Variants in KAZN observed in about 807,000 individuals in gnomAD.
The protein encoded by KAZN is kazrin.
KAZN carries 40 observed loss-of-function variants against 87.4 expected under a neutral mutation model. That is an observed-to-expected ratio of 0.46 (90% CI 0.36 to 0.60). The LOEUF (loss-of-function observed/expected upper bound fraction) is 0.60. KAZN is among the 20% of genes least tolerant of loss of function. The pLI is 0.00. For synonymous variants in KAZN, 466 were observed against 458.3 expected, an observed-to-expected ratio of 1.02 and a Z score of -0.22; for missense variants, 898 against 1,073.9, an observed-to-expected ratio of 0.84 and a Z score of 2.29.
At chr1:14,012,644 C>A (rs1640368678) in intron 1 of KAZN, among the ~76,000 whole-genome samples, 1 of 152,112 alleles carries the variant, frequency 6.6e-6, no homozygotes, top group Non-Finnish European at 1.5e-5. Flanking sequence ...ATCTCTACTA[C>A]AAATATAGAA....
At chr1:14,494,498 T>G (rs573536094) in intron 2 of KAZN, among the ~76,000 whole-genome samples, 1 of 152,304 alleles carries the variant, frequency 6.6e-6, no homozygotes, top group South Asian at 2.1e-4. Flanking sequence ...CCCCATGTAC[T>G]TCCTCTCACT....
At chr1:14,704,364 C>A (rs532314975) in intron 1 of KAZN, among the ~76,000 whole-genome samples, 22 of 152,328 alleles carry the variant, frequency 1.4e-4, no homozygotes, top group Admixed American at 7.8e-4. Flanking sequence ...CTGGAAGGGA[C>A]AAAATGAGCC....
At chr1:14,616,085 A>G (rs955034145) in intron 1 of KAZN, among the ~76,000 whole-genome samples, 4 of 152,168 alleles carry the variant, frequency 2.6e-5, no homozygotes, top group Non-Finnish European at 5.9e-5. Context: ...GGAATGACGC[A>G]ATGCCTATAC....
At chr1:15,034,180 A>T (rs1455669994) in intron 2 of KAZN, among the ~76,000 whole-genome samples, 1 of 152,182 alleles carries the variant, frequency 6.6e-6, no homozygotes, top group Non-Finnish European at 1.5e-5. Context: ...TTTCTTGATG[A>T]TATCCTTTGA....
intron 2 of KAZN, among the ~76,000 whole-genome samples, chr1:14,196,891 A>G (rs1158633902): frequency 6.6e-6 from 1 of 152,118 alleles, no homozygotes; most frequent in Non-Finnish European, 1.5e-5. Context: ...GTGAAAGTGA[A>G]GGAGGCTTCA....
At chr1:14,011,484 A>T (rs971601048) in intron 1 of KAZN, among the ~76,000 whole-genome samples, 2 of 152,180 alleles carry the variant, frequency 1.3e-5, no homozygotes, top group African/African-American at 4.8e-5. Flanking sequence ...CCTCCTGGAA[A>T]TCATTGGTCC....
chr1:14,639,526 C>T (rs1680264458), intron 1 of KAZN, among the ~76,000 whole-genome samples: 1 of 152,140 alleles, frequency 6.6e-6, no homozygotes, highest in African/African-American at 2.4e-5. Context: ...AGTATAAATG[C>T]CCTATGGAGT....
intron 1 of KAZN, among the ~76,000 whole-genome samples, chr1:14,899,822 G>T (rs1023876300): frequency 2.0e-5 from 3 of 152,130 alleles, no homozygotes; most frequent in African/African-American, 7.2e-5. Context: ...CTTAAGCACT[G>T]TCCTCATTTC....
chr1:14,699,433 C>T (rs4661297), intron 1 of KAZN, among the ~76,000 whole-genome samples: 4 of 152,170 alleles, frequency 2.6e-5, no homozygotes, highest in Non-Finnish European at 4.4e-5. Context: ...GCATTATGCC[C>T]GGCCTTAGGC....
At chr1:14,970,192 A>G (rs980669626) in intron 2 of KAZN, among the ~76,000 whole-genome samples, 1 of 152,220 alleles carries the variant, frequency 6.6e-6, no homozygotes, top group Non-Finnish European at 1.5e-5. Flanking sequence ...AAAAGTTTCT[A>G]AGATAGTACG....
At position 14,812,369 on chromosome 1, in the gene KAZN, A is replaced by G. The variant is rs139030630; in HGVS notation, c.227-148315A>G. ...TTGAGCAACTGTACTCAGCATCCCTATGCACAGGGCACCCACGTGTCTTCA... is the reference window on the plus strand; with the variant it reads ...TTGAGCAACTGTACTCAGCATCCCTGTGCACAGGGCACCCACGTGTCTTCA... On this transcript the variant is annotated intron_variant, in intron 1 of 14. Coordinates refer to ENST00000376030, the MANE Select transcript of KAZN (RefSeq NM_201628.3). Among the ~76,000 whole-genome samples the G allele has an allele frequency of 4.1e-3, 624 of 152,260 alleles. 4 individuals carry two copies. Among genetic ancestry groups the G allele is most frequent in the African/African-American group, 0.014 (580 of 41,564 alleles).
intron 1 of KAZN, among the ~76,000 whole-genome samples, chr1:14,910,725 C>A (rs2101383078): frequency 6.6e-6 from 1 of 152,306 alleles, no homozygotes; most frequent in African/African-American, 2.4e-5. Context: ...AGATGGCCGG[C>A]ATGCTGAGCA....
intron 1 of KAZN, among the ~76,000 whole-genome samples, chr1:14,034,899 C>T (rs757034694): frequency 8.5e-5 from 13 of 152,104 alleles, no homozygotes; most frequent in Admixed American, 6.6e-4. Context: ...AGGTGGCTTC[C>T]GAGGAACTGC....
At chr1:13,933,687 T>G (rs969102334) in intron 1 of KAZN, among the ~76,000 whole-genome samples, 1 of 152,190 alleles carries the variant, frequency 6.6e-6, no homozygotes, top group African/African-American at 2.4e-5. Context: ...AATGGTCATT[T>G]TAATGGTGAG....
intron 2 of KAZN, among the ~76,000 whole-genome samples, chr1:14,394,071 C>T (rs1662684999): frequency 6.6e-6 from 1 of 152,154 alleles, no homozygotes; most frequent in Non-Finnish European, 1.5e-5. Flanking sequence ...GTTCTCTTGT[C>T]ACCAAATGGG....
intron 1 of KAZN, among the ~76,000 whole-genome samples, chr1:13,985,603 G>A (rs1313899575): frequency 4.6e-5 from 7 of 151,002 alleles, no homozygotes; most frequent in Non-Finnish European, 1.0e-4. Context: ...TATACCTAAT[G>A]CTAGATGACG....
intron 1 of KAZN, among the ~76,000 whole-genome samples, chr1:14,883,355 A>AAAGG (rs1449958306): frequency 1.9e-4 from 4 of 20,620 alleles, no homozygotes; most frequent in Admixed American, 6.7e-4. Flanking sequence ...AGAAAGAAAG[A>AAAGG]AAAGAAAGAA....
chr1:14,409,595 G>T (rs1664140450), intron 2 of KAZN, among the ~76,000 whole-genome samples: 1 of 152,074 alleles, frequency 6.6e-6, no homozygotes, highest in Admixed American at 6.5e-5. Context: ...TATCCATGGG[G>T]AATCTATAAG....
At chr1:15,074,527 C>A (rs955789623) in intron 8 of KAZN, among the ~76,000 whole-genome samples, 1 of 152,176 alleles carries the variant, frequency 6.6e-6, no homozygotes, top group Admixed American at 6.5e-5. Flanking sequence ...CCCTCCTTAA[C>A]CCTGGTAGAA....
Sources: gnomAD v4.1 joint callset for allele counts (sites outside exome capture counted in the v4.1 genomes callset) on GRCh38, gnomAD v4.1.1 for gene constraint, MANE v1.5 for transcripts, NCBI Gene and HGNC (gene_info 2026-07-23, HGNC 2026-07-21) for gene names.